COL24A1: variants seen among roughly 807,000 people sequenced by gnomAD.
COL24A1 encodes the protein collagen alpha-1(XXIV) chain.
A neutral mutation model predicts 253.9 loss-of-function variants in COL24A1; 224 were observed. That is an observed-to-expected ratio of 0.88 (90% CI 0.79 to 0.99). COL24A1 has a LOEUF of 0.99. Ranked by LOEUF, COL24A1 falls within the 50% of genes least tolerant of loss-of-function variation. COL24A1 has a pLI of 0.00. For synonymous variants in COL24A1, 685 were observed against 673.7 expected, an observed-to-expected ratio of 1.02 and a Z score of -0.26; for missense variants, 2,131 against 2,068.5, an observed-to-expected ratio of 1.03 and a Z score of -0.59.
intron 19 of COL24A1, among the ~76,000 whole-genome samples, chr1:85,990,583 AG>A (rs1315309130): frequency 4.6e-5 from 7 of 152,202 alleles, no homozygotes; most frequent in Non-Finnish European, 8.8e-5. Flanking sequence ...GTCACAAACC[AG>A]TACAGGTCCA....
rs755660305 is a variant in COL24A1, at chr1:86,124,826, T to TAAA, written c.1491+16_1491+18dup. 76 of 1,298,604 alleles carry TAAA rather than the reference T, an allele frequency of 5.9e-5. No individual in the cohort carries two copies. Among genetic ancestry groups the TAAA allele is most frequent in the Middle Eastern group, 2.6e-4 (1 of 3,790 alleles). 80.4% of individuals were successfully genotyped at this position (1,298,604 alleles called of 1,614,324 possible). On this transcript the variant is annotated intron_variant, in intron 3 of 59. Transcript: ENST00000370571. ...TGTAAGTTAGCATATTAGGAGATAT[T>TAAA]AAAAAAAAAAAAACTTACGGGAGGT... is the stretch of plus-strand genomic sequence containing the variant.
intron 28 of COL24A1, among the ~76,000 whole-genome samples, chr1:85,906,180 C>A (rs1461279329): frequency 2.0e-5 from 3 of 146,704 alleles, no homozygotes; most frequent in African/African-American, 7.5e-5. Flanking sequence ...ACCGAAAACA[C>A]AGGATATGAC....
At chr1:85,731,654 C>T (rs973523071) in intron 59 of COL24A1, among the ~76,000 whole-genome samples, 1 of 152,050 alleles carries the variant, frequency 6.6e-6, no homozygotes, top group Non-Finnish European at 1.5e-5. Flanking sequence ...GTGAAATACA[C>T]GATGAATACA....
intron 37 of COL24A1, among the ~76,000 whole-genome samples, chr1:85,856,479 A>T (rs548216193): frequency 6.6e-6 from 1 of 152,260 alleles, no homozygotes; most frequent in South Asian, 2.1e-4. Flanking sequence ...CAGACTGATT[A>T]ATTTCCATTT....
chr1:85,919,329 T>C (rs1258007550), intron 24 of COL24A1, among the ~76,000 whole-genome samples: 1 of 152,202 alleles, frequency 6.6e-6, no homozygotes, highest in Non-Finnish European at 1.5e-5. Context: ...CATGTGGTTT[T>C]CTCTAATTTT....
chr1:86,128,378 A>G (rs1384827733), intron 2 of COL24A1, among the ~76,000 whole-genome samples: 2 of 151,994 alleles, frequency 1.3e-5, no homozygotes, highest in Non-Finnish European at 2.9e-5. Flanking sequence ...TGAGAAGTAA[A>G]CTATGGAAGG....
rs182343021 is a variant in COL24A1, at chr1:86,002,282, G to A, written c.2311-14628C>T. On this transcript the variant is annotated intron_variant, in intron 19 of 59. Coordinates refer to ENST00000370571, the MANE Select transcript of COL24A1 (RefSeq NM_152890.7). ...GGGTGGTGGTCCCTATTACAGCATC[G>A]CTGAATTCACCAGGCGCACCCCTGC... Among the ~76,000 whole-genome samples the A allele has an allele frequency of 1.1e-4, 16 of 152,252 alleles. No homozygotes were observed. In the East Asian group the frequency reaches 3.1e-3, roughly 29 times the overall value.
chr1:85,870,293 C>G (rs1424299053), intron 35 of COL24A1, among the ~76,000 whole-genome samples: 1 of 152,160 alleles, frequency 6.6e-6, no homozygotes, highest in Non-Finnish European at 1.5e-5. Flanking sequence ...ATCAATGAGA[C>G]AGAAAGTTAA....
chr1:85,744,514 T>C (rs1664993102), intron 57 of COL24A1, 152 bp downstream of exon 57: 1 of 615,992 alleles, frequency 1.6e-6, no homozygotes, highest in Non-Finnish European at 2.8e-6. Context: ...GTCTCCCTCA[T>C]AGAGAATTTT....
intron 7 of COL24A1, among the ~76,000 whole-genome samples, chr1:86,085,530 T>C (rs1162250421): frequency 6.6e-6 from 1 of 152,192 alleles, no homozygotes; most frequent in Non-Finnish European, 1.5e-5. Context: ...TTCAATTAGA[T>C]TGCTAATGTT....
intron 28 of COL24A1, among the ~76,000 whole-genome samples, chr1:85,896,635 C>T (rs1168293664): frequency 2.0e-5 from 3 of 152,088 alleles, no homozygotes; most frequent in African/African-American, 7.2e-5. Context: ...GTAGCTGGGA[C>T]TACAGGCGCT....
At chr1:85,744,558 G>GTT (rs11387251) in intron 57 of COL24A1, 108 bp downstream of exon 57, 1 of 932,496 alleles carries the variant, frequency 1.1e-6, no homozygotes, top group Non-Finnish European at 1.6e-6. Flanking sequence ...TTCTGCCAGG[G>GTT]TTTTATCAAA....
intron 5 of COL24A1, among the ~76,000 whole-genome samples, chr1:86,101,754 A>G (rs1239735276): frequency 6.6e-6 from 1 of 152,152 alleles, no homozygotes; most frequent in African/African-American, 2.4e-5. Context: ...CATAGTGGAT[A>G]AGTTTTCCAA....
intron 13 of COL24A1, among the ~76,000 whole-genome samples, chr1:86,032,326 A>T (rs935969728): frequency 7.9e-5 from 12 of 151,996 alleles, no homozygotes; most frequent in Non-Finnish European, 1.3e-4. Flanking sequence ...AACACTATGG[A>T]CTCTTTTGAA....
chr1:85,973,491 T>G (rs1268029494), intron 20 of COL24A1, among the ~76,000 whole-genome samples: 2 of 152,152 alleles, frequency 1.3e-5, no homozygotes, highest in Non-Finnish European at 2.9e-5. Context: ...AATTTTGTAT[T>G]GAGTTATGAT....
chr1:86,065,756 TAA>T (rs71078636), intron 7 of COL24A1, among the ~76,000 whole-genome samples: 9 of 118,556 alleles, frequency 7.6e-5, no homozygotes, highest in African/African-American at 1.2e-4. Context: ...TAGCAACCTC[TAA>T]AAAAAAAAAA....
chr1:86,111,193 C>T (rs1293941083), intron 5 of COL24A1, among the ~76,000 whole-genome samples: 5 of 151,092 alleles, frequency 3.3e-5, no homozygotes, highest in Non-Finnish European at 7.4e-5. Context: ...CACCAGTCAG[C>T]ACTCTGTGTC....
At chr1:85,874,817 C>A in intron 34 of COL24A1, 115 bp from the exon 35 acceptor site, 1 of 1,104,776 alleles carries the variant, frequency 9.1e-7, no homozygotes, top group Non-Finnish European at 1.3e-6. Flanking sequence ...GGGTACCTGT[C>A]CAAGGCCTGT....
chr1:86,047,651 C>G (rs1265797403), intron 11 of COL24A1, among the ~76,000 whole-genome samples: 1 of 151,594 alleles, frequency 6.6e-6, no homozygotes, highest in Non-Finnish European at 1.5e-5. Flanking sequence ...TGTATATATA[C>G]ATATATAAAT....
Sources: allele counts gnomAD v4.1 joint callset (sites outside exome capture counted in the v4.1 genomes callset), GRCh38; gene constraint gnomAD v4.1.1; transcripts MANE v1.5; gene names NCBI Gene and HGNC (gene_info 2026-07-23, HGNC 2026-07-21).